Variants in DOCK3 observed in about 807,000 individuals in gnomAD.
DOCK3 encodes dedicator of cytokinesis 3, also known as dedicator of cytokinesis protein 3.
In DOCK3, 60 loss-of-function variants were observed where a neutral mutation model predicts 265.6. The ratio of observed to expected loss-of-function variants is 0.23; its 90% CI spans 0.18 to 0.28. DOCK3 has a LOEUF of 0.28. Ranked by LOEUF, DOCK3 falls within the 10% of genes least tolerant of loss-of-function variation. The pLI is 1.00. For synonymous variants in DOCK3, 881 were observed against 938.0 expected, an observed-to-expected ratio of 0.94 and a Z score of 1.11; for missense variants, 1,981 against 2,594.3, an observed-to-expected ratio of 0.76 and a Z score of 5.14.
At position 51,220,683 on chromosome 3, in the gene DOCK3, A is replaced by ATGTG. The variant is rs1289851107; in HGVS notation, c.1253-4965_1253-4964insGTGT. On this transcript the variant is annotated intron_variant, in intron 14 of 52. Coordinates refer to ENST00000266037, the MANE Select transcript of DOCK3 (RefSeq NM_004947.5). ...AAAAAAAAAAAAAATATATATATATATATATGTGTGTGTGTGTGTGTGTGT... is the reference window on the plus strand; with the variant it reads ...AAAAAAAAAAAAAATATATATATATATGTGTATATGTGTGTGTGTGTGTGTGTGT... Among the ~76,000 whole-genome samples, 326 of 37,944 alleles carry ATGTG rather than the reference A, an allele frequency of 8.6e-3. 3 individuals are homozygous for ATGTG. Among genetic ancestry groups the ATGTG allele is most frequent in the African/African-American group, 0.022 (310 of 13,804 alleles). The allele number at this position is 37,944 out of a possible 152,430, so 24.9% of individuals were successfully genotyped here.
intron 1 of DOCK3, among the ~76,000 whole-genome samples, chr3:50,757,152 C>A: frequency 7.4e-6 from 1 of 134,342 alleles, no homozygotes. Context: ...TGTGCCCAGT[C>A]AGATTGTCGT....
intron 12 of DOCK3, among the ~76,000 whole-genome samples, chr3:51,162,000 C>T (rs1343725279): frequency 6.6e-6 from 1 of 152,146 alleles, no homozygotes; most frequent in Non-Finnish European, 1.5e-5. Context: ...AGAATTCAGT[C>T]ATATACTCTA....
chr3:51,204,022 G>A (rs1373578527), intron 12 of DOCK3, among the ~76,000 whole-genome samples: 37 of 151,308 alleles, frequency 2.4e-4, no homozygotes, highest in African/African-American at 8.7e-4. Context: ...ATTCAAGATG[G>A]ATTAAAGACT....
Position 51,199,778 on chromosome 3 carries a change from AC to A in DOCK3, c.1038-8990del, listed in dbSNP as rs553898739. 1.2e-3 allele frequency among the ~76,000 whole-genome samples: 183 copies of A among 152,198 alleles called. 1 individual carries two copies. Among genetic ancestry groups the A allele is most frequent in the East Asian group, 3.5e-3 (18 of 5,178 alleles). On this transcript the variant is annotated intron_variant, in intron 12 of 52. Coordinates refer to ENST00000266037, the MANE Select transcript of DOCK3 (RefSeq NM_004947.5). ...CCCCTGAGCAGCCTAACTGGGAGGCACCCCCCAGTAGGGGCAGACTGACACC... is the reference window on the plus strand; with the variant it reads ...CCCCTGAGCAGCCTAACTGGGAGGCACCCCCAGTAGGGGCAGACTGACACC...
intron 5 of DOCK3, among the ~76,000 whole-genome samples, chr3:51,038,135 A>G (rs1275150670): frequency 6.6e-6 from 1 of 152,170 alleles, no homozygotes; most frequent in African/African-American, 2.4e-5. Flanking sequence ...AGTGTTGTCT[A>G]TCCAGATACT....
chr3:51,168,673 T>C (rs2086525096), intron 12 of DOCK3, among the ~76,000 whole-genome samples: 1 of 152,076 alleles, frequency 6.6e-6, no homozygotes, highest in South Asian at 2.1e-4. Flanking sequence ...ATTCTAGACA[T>C]AGGAATGGGC....
intron 1 of DOCK3, among the ~76,000 whole-genome samples, chr3:50,696,360 A>G (rs1268376201): frequency 6.6e-6 from 1 of 152,236 alleles, no homozygotes; most frequent in Non-Finnish European, 1.5e-5. Context: ...AGGATGCTGG[A>G]CACAGAACAG....
intron 40 of DOCK3, 105 bp from the exon 41 acceptor site, chr3:51,354,777 A>C (rs996884550): frequency 6.7e-7 from 1 of 1,500,610 alleles, no homozygotes; most frequent in African/African-American, 1.4e-5. Flanking sequence ...GATACAGAGA[A>C]GGCTCCTAAG....
chr3:51,052,685 A>G (rs1212287603), intron 5 of DOCK3, among the ~76,000 whole-genome samples: 4 of 152,142 alleles, frequency 2.6e-5, no homozygotes, highest in African/African-American at 9.7e-5. Flanking sequence ...AAGGAGACTC[A>G]GATCTTGAAG....
intron 5 of DOCK3, among the ~76,000 whole-genome samples, chr3:50,944,873 T>C (rs909412582): frequency 7.9e-5 from 12 of 152,114 alleles, no homozygotes; most frequent in Non-Finnish European, 1.6e-4. Flanking sequence ...GGCAGGAGAA[T>C]TGCTTGAACC....
intron 49 of DOCK3, 120 bp downstream of exon 49, chr3:51,362,794 T>C: frequency 7.1e-7 from 1 of 1,405,190 alleles, no homozygotes; most frequent in Non-Finnish European, 9.5e-7. Context: ...GAATACTCAT[T>C]TGTGCTTTTA....
At chr3:51,326,790 T>A (rs977512816) in intron 32 of DOCK3, among the ~76,000 whole-genome samples, 2 of 151,260 alleles carry the variant, frequency 1.3e-5, no homozygotes, top group African/African-American at 2.4e-5. Context: ...CCCAGCTAAT[T>A]TTTTTTGTAT....
intron 9 of DOCK3, among the ~76,000 whole-genome samples, chr3:51,122,065 C>T (rs1378445788): frequency 6.6e-6 from 1 of 152,142 alleles, no homozygotes; most frequent in Admixed American, 6.5e-5. Flanking sequence ...GGCAAGTTTC[C>T]CTATCAGCAA....
rs1553618456 is a variant in DOCK3 at position 51,381,204 on chromosome 3, C to A, written c.5738C>A (p.Thr1913Asn). Residue 1913 changes from threonine to asparagine, a missense_variant, in exon 53 of 53, where the codon ACC becomes AAC. Transcript: ENST00000266037. The surrounding 1 kb of genome is among the most constrained non-coding windows in gnomAD (Gnocchi z 5.6). ...TCGGAGGCCCCACCTCGCACTGACA[C>A]CATGGACTCCATGCCAAGTCAGGCC... The part of the protein sequence containing the change: ...HSSEAPPRTD[T>N]MDSMPSQAWN... The A allele has an allele frequency of 6.2e-7, 1 of 1,613,932 alleles. No individual in the cohort carries two copies. Among genetic ancestry groups the A allele is most frequent in the Non-Finnish European group, 8.5e-7 (1 of 1,179,874 alleles).
intron 19 of DOCK3, among the ~76,000 whole-genome samples, chr3:51,230,175 T>A (rs2090486634): frequency 6.6e-6 from 1 of 152,216 alleles, no homozygotes. Flanking sequence ...GTTTGTTACG[T>A]AGATGCATTA....
intron 6 of DOCK3, among the ~76,000 whole-genome samples, chr3:51,067,891 C>G (rs573844303): frequency 1.3e-5 from 2 of 152,260 alleles, no homozygotes; most frequent in Admixed American, 6.5e-5. Context: ...ACAGACTGTT[C>G]CACACAAAAG....
At chr3:51,364,909 G>A (rs1203194288) in intron 49 of DOCK3, among the ~76,000 whole-genome samples, 2 of 152,250 alleles carry the variant, frequency 1.3e-5, no homozygotes, top group African/African-American at 4.8e-5. Context: ...TTTGAAGCCA[G>A]ATAGTATGAT....
intron 19 of DOCK3, among the ~76,000 whole-genome samples, chr3:51,232,091 T>G (rs1345739294): frequency 6.6e-6 from 1 of 152,224 alleles, no homozygotes; most frequent in African/African-American, 2.4e-5. Flanking sequence ...TAGCCAGCTA[T>G]CTCAGCACCA....
At chr3:51,013,388 T>C (rs1575757925) in intron 5 of DOCK3, among the ~76,000 whole-genome samples, 1 of 152,328 alleles carries the variant, frequency 6.6e-6, no homozygotes, top group Middle Eastern at 3.4e-3. Flanking sequence ...TTGTTAGTTT[T>C]CCTTATAACA....
Sources: gnomAD v4.1 joint callset for allele counts (sites outside exome capture counted in the v4.1 genomes callset) on GRCh38, gnomAD v4.1.1 for gene constraint, Gnocchi (gnomAD v3.1) non-coding constraint, MANE v1.5 for transcripts, NCBI Gene and HGNC (gene_info 2026-07-23, HGNC 2026-07-21) for gene names.